Variants in IGF1R observed in about 807,000 individuals in gnomAD.
IGF1R encodes insulin-like growth factor 1 receptor.
In IGF1R, 44 loss-of-function variants were observed where a neutral mutation model predicts 144.6. The ratio of observed to expected loss-of-function variants is 0.30; its 90% CI spans 0.24 to 0.39. The LOEUF is 0.39. Ranked by LOEUF, IGF1R falls within the 10% of genes least tolerant of loss-of-function variation. The pLI is 1.00. For synonymous variants in IGF1R, 795 were observed against 722.8 expected (o/e 1.10, Z -1.60); for missense variants, 1,355 against 1,833.7 (o/e 0.74, Z 4.77).
At chr15:98,871,339 G>A (rs1004222258) in intron 2 of IGF1R, among the ~76,000 whole-genome samples, 1 of 152,160 alleles carries the variant, frequency 6.6e-6, no homozygotes, top group African/African-American at 2.4e-5. Context: ...CTAAAATTTG[G>A]TATCATAATG....
chr15:98,655,641 T>C (rs903011003), intron 1 of IGF1R, among the ~76,000 whole-genome samples: 9 of 150,568 alleles, frequency 6.0e-5, no homozygotes, highest in Non-Finnish European at 1.3e-4. Context: ...CTGCCATGTT[T>C]ATTAAAAAAA....
intron 2 of IGF1R, among the ~76,000 whole-genome samples, chr15:98,862,307 G>T (rs546259519): frequency 6.6e-6 from 1 of 152,330 alleles, no homozygotes; most frequent in African/African-American, 2.4e-5. Context: ...CAAGGATCCA[G>T]GAGAGTCGCA....
rs1332024744 is a variant in IGF1R, at chr15:98,649,120, G to A, written c.-462G>A. On this transcript the variant is annotated 5_prime_UTR_variant, in exon 1 of 21. Transcript: ENST00000650285. ...CCTCGCCTGTGACCCGGACTTCGGG[G>A]CGATCTTGCGAACTGCGTCGCGCCC... The A allele has an allele frequency of 4.6e-6, 1 of 219,154 alleles. No homozygotes were observed. The highest frequency in any genetic ancestry group is 9.2e-6 in the Non-Finnish European group (1 of 109,264). The allele number at this position is 219,154 out of a possible 1,614,324, so 13.6% of individuals were successfully genotyped here.
chr15:98,884,102 T>C (rs2013518703), intron 2 of IGF1R, among the ~76,000 whole-genome samples: 1 of 151,660 alleles, frequency 6.6e-6, no homozygotes, highest in African/African-American at 2.4e-5. Flanking sequence ...GGAATGGGGG[T>C]ATTCTAAAGG....
At chr15:98,732,471 G>C (rs964101809) in intron 2 of IGF1R, among the ~76,000 whole-genome samples, 1 of 152,228 alleles carries the variant, frequency 6.6e-6, no homozygotes, top group African/African-American at 2.4e-5. Flanking sequence ...GAGCAGATCT[G>C]TGTTTCCTGA....
chr15:98,826,640 G>A, intron 2 of IGF1R, among the ~76,000 whole-genome samples: 1 of 152,188 alleles, frequency 6.6e-6, no homozygotes, highest in South Asian at 2.1e-4. Context: ...TTAGGCCTCA[G>A]TGGGAAGAAG....
intron 1 of IGF1R, among the ~76,000 whole-genome samples, chr15:98,672,513 C>A (rs1371906968): frequency 7.0e-6 from 1 of 142,438 alleles, no homozygotes; most frequent in Non-Finnish European, 1.5e-5. Flanking sequence ...GAGGTTGCAG[C>A]GAGACAAGAT....
intron 2 of IGF1R, among the ~76,000 whole-genome samples, chr15:98,876,324 AAAAG>A (rs985884643): frequency 5.3e-5 from 8 of 151,266 alleles, no homozygotes; most frequent in Middle Eastern, 3.4e-3. Flanking sequence ...TAAAAAAAAA[AAAAG>A]AGAGAGAGAG....
intron 2 of IGF1R, among the ~76,000 whole-genome samples, chr15:98,856,481 G>C (rs1445413121): frequency 2.0e-5 from 3 of 152,194 alleles, no homozygotes; most frequent in Non-Finnish European, 4.4e-5. Flanking sequence ...GTTGGGCCTG[G>C]TGTTTAACTG....
chr15:98,811,977 A>G (rs374920752), intron 2 of IGF1R, among the ~76,000 whole-genome samples: 2 of 152,364 alleles, frequency 1.3e-5, no homozygotes, highest in African/African-American at 4.8e-5. Context: ...ACTTGAGGAC[A>G]TCTTTTCTGT....
At position 98,946,542 on chromosome 15, in the gene IGF1R, C is replaced by T. The variant is rs573530203; in HGVS notation, c.3588-2032C>T. ...AGCTCTGAGGGACGGAAGGAGGGTG[C>T]CAGACCTTGGACAGATGTGAGCCTG... is the stretch of plus-strand genomic sequence containing the variant. On this transcript the variant is annotated intron_variant, in intron 19 of 20. Coordinates refer to ENST00000650285, the MANE Select transcript of IGF1R (RefSeq NM_000875.5). 2.6e-5 allele frequency among the ~76,000 whole-genome samples: 4 copies of T among 152,206 alleles called. No individual in the cohort carries two copies. The East Asian group carries it at 7.7e-4, about 29-fold the overall frequency.
intron 2 of IGF1R, among the ~76,000 whole-genome samples, chr15:98,861,780 C>G (rs1336812812): frequency 6.6e-6 from 1 of 152,206 alleles, no homozygotes; most frequent in Non-Finnish European, 1.5e-5. Context: ...GGACCAAATC[C>G]ATGGTACGCT....
At position 98,935,623 on chromosome 15, in the gene IGF1R, G is replaced by C. The variant is rs574326055; in HGVS notation, c.3297+197G>C. ...AGTCAGACTCTGATCTTCGTGAGGG[G>C]AACTTCCTGTTCCTTGGATCCCCTC... On this transcript the variant is annotated intron_variant, in intron 17 of 20. Transcript: ENST00000650285. This position sits in a 1 kb window ranked among gnomAD's most constrained non-coding sequence, Gnocchi z 4.2. 1.1e-4 allele frequency among the ~76,000 whole-genome samples: 17 copies of C among 152,246 alleles called. No individual in the cohort carries two copies. Among genetic ancestry groups the C allele is most frequent in the Non-Finnish European group, 2.4e-4 (16 of 68,028 alleles).
chr15:98,726,314 C>A (rs1193622671), intron 2 of IGF1R, among the ~76,000 whole-genome samples: 1 of 152,162 alleles, frequency 6.6e-6, no homozygotes, highest in African/African-American at 2.4e-5. Flanking sequence ...CTAATACTTC[C>A]TAGTGGGCTG....
chr15:98,721,081 G>T (rs970540618), intron 2 of IGF1R, among the ~76,000 whole-genome samples: 32 of 152,284 alleles, frequency 2.1e-4, no homozygotes, highest in African/African-American at 7.5e-4. Context: ...TGGTGTGCAT[G>T]CATGGTGAGC....
chr15:98,963,213 ATTT>A lies in IGF1R; in HGVS notation c.*5787_*5789del, dbSNP rs35151840. On this transcript the variant is annotated 3_prime_UTR_variant, in exon 21 of 21. Transcript: ENST00000650285. ...GTGTGCAAATGTGTGTTTGTGATCC[ATTT>A]TTTTTTTTTTTTTTTAGGACACCTG... The A allele has an allele frequency of 0.041, 8,645 of 209,640 alleles. 118 individuals are homozygous for A. Among genetic ancestry groups the A allele is most frequent in the African/African-American group, 0.091 (3,752 of 41,008 alleles). 13.0% of individuals were successfully genotyped at this position (209,640 alleles called of 1,614,324 possible). A position where few individuals can be genotyped will look rare whatever the true frequency, so the allele number is the denominator to read the frequency against.
At chr15:98,798,509 C>T (rs2056296545) in intron 2 of IGF1R, among the ~76,000 whole-genome samples, 1 of 152,114 alleles carries the variant, frequency 6.6e-6, no homozygotes, top group Non-Finnish European at 1.5e-5. Context: ...AGGGCAAGGA[C>T]AGAAGTAGAG....
chr15:98,763,527 T>C (rs1298215766), intron 2 of IGF1R, among the ~76,000 whole-genome samples: 1 of 151,942 alleles, frequency 6.6e-6, no homozygotes, highest in Non-Finnish European at 1.5e-5. Context: ...GGTAGCCTTG[T>C]TCACCTCCCC....
rs1423172463 is a variant in IGF1R at position 98,948,645 on chromosome 15, A to G, written c.3659A>G (p.Gln1220Arg). ...CCCTACCAGGGCTTGTCCAACGAGC[A>G]AGTCCTTCGCTTCGTCATGGAGGGC... The part of the protein sequence containing the change: ...EQPYQGLSNE[Q>R]VLRFVMEGGL... The change falls in exon 20 of 21, where the codon CAA becomes CGA. Residue 1220 changes from glutamine to arginine, a missense_variant. Physicochemically the swap from Gln to Arg is conservative, Grantham distance 43. Transcript: ENST00000650285. The G allele has an allele frequency of 1.2e-6, 2 of 1,614,184 alleles. No homozygotes were observed. Among genetic ancestry groups the G allele is most frequent in the Non-Finnish European group, 1.7e-6 (2 of 1,180,022 alleles).
Sources: gnomAD v4.1 joint callset for allele counts (sites outside exome capture counted in the v4.1 genomes callset) on GRCh38, gnomAD v4.1.1 for gene constraint, Gnocchi (gnomAD v3.1) non-coding constraint, MANE v1.5 for transcripts, NCBI Gene and HGNC (gene_info 2026-07-23, HGNC 2026-07-21) for gene names.